Variants in AHRR observed in about 807,000 individuals in gnomAD.
AHRR encodes aryl hydrocarbon receptor repressor.
A neutral mutation model predicts 44.0 loss-of-function variants in AHRR; 28 were observed. That is an observed-to-expected ratio of 0.64 (90% CI 0.47 to 0.87). The LOEUF (loss-of-function observed/expected upper bound fraction) is 0.87. Among genes scored for constraint, AHRR ranks in the 40% least tolerant of loss-of-function variants. AHRR has a pLI of 0.00. For synonymous variants in AHRR, 434 were observed against 407.0 expected (o/e 1.07, Z -0.80); for missense variants, 990 against 953.9 (o/e 1.04, Z -0.50).
chr5:421,263 C>T (rs1043330301), intron 5 of AHRR: 2 of 698,056 alleles, frequency 2.9e-6, no homozygotes, highest in East Asian at 2.7e-5. Context: ...GAGCGGATGC[C>T]GTGTGCAGGC....
At chr5:424,033 T>C in intron 7 of AHRR, 56 bp downstream of exon 7, 2 of 1,557,392 alleles carry the variant, frequency 1.3e-6, no homozygotes, top group Non-Finnish European at 1.7e-6. Context: ...CATTCTACCC[T>C]GGTGTGGAAG....
rs187552083 is a variant in AHRR, at chr5:379,835, A to G, written c.351+3119A>G. ...ATATTACAGATAGTGAAAGTATTCC[A>G]TTTTGATTAAGTTTAATTTATCAAT... On this transcript the variant is annotated intron_variant, in intron 4 of 10. Coordinates refer to ENST00000684583, the MANE Select transcript of AHRR (RefSeq NM_001377236.1). Among the ~76,000 whole-genome samples the G allele has an allele frequency of 3.4e-3, 513 of 152,292 alleles. 3 individuals carry two copies. The highest frequency in any genetic ancestry group is 0.012 in the African/African-American group (498 of 41,564).
In AHRR at chr5:321,986, CTG is replaced by C. The variant is rs1455119130; in HGVS notation, c.-11+168_-11+169del. ...GCGGCCCCGGGACGGGGCGGACACT[CTG>C]GGGTGCGGCTGGCTGGTCTCACTTA... On this transcript the variant is annotated intron_variant, in intron 1 of 10. Coordinates refer to ENST00000684583, the MANE Select transcript of AHRR (RefSeq NM_001377236.1). The surrounding 1 kb of genome is among the most constrained non-coding windows in gnomAD (Gnocchi z 8.3). Among the ~76,000 whole-genome samples, 1 of 152,084 alleles carries C rather than the reference CTG, an allele frequency of 6.6e-6. No homozygotes were observed. The highest frequency in any genetic ancestry group is 2.4e-5 in the African/African-American group (1 of 41,436).
intron 4 of AHRR, among the ~76,000 whole-genome samples, chr5:396,310 C>T (rs762569826): frequency 1.3e-5 from 2 of 152,134 alleles, no homozygotes; most frequent in East Asian, 3.9e-4. Flanking sequence ...AGGGGGCATC[C>T]CACACCCCCC....
chr5:420,901 A>AGCCACCCACCCAC, intron 5 of AHRR: 3 of 324,326 alleles, frequency 9.2e-6, no homozygotes, highest in Non-Finnish European at 1.8e-5. Context: ...CCACGCACGC[A>AGCCACCCACCCAC]GCACGCACGC....
rs181123592 is a variant in AHRR at position 329,739 on chromosome 5, G to A, written c.-11+7920G>A. On this transcript the variant is annotated intron_variant, in intron 1 of 10. Coordinates refer to ENST00000684583, the MANE Select transcript of AHRR (RefSeq NM_001377236.1). ...ATTTTTTAATGGTTATTGTAAATGA[G>A]ATTGTCTTCTTGATTTCTTTCTCAG... Among the ~76,000 whole-genome samples, 3 of 152,296 alleles carry A rather than the reference G, an allele frequency of 2.0e-5. No individual in the cohort carries two copies. In the East Asian group the frequency reaches 5.8e-4, roughly 29 times the overall value.
intron 1 of AHRR, among the ~76,000 whole-genome samples, chr5:330,879 T>TTC (rs1741886534): frequency 6.8e-6 from 1 of 146,846 alleles, no homozygotes; most frequent in East Asian, 2.0e-4. Context: ...ATTTTTTTTT[T>TTC]TTTTTTTTTT....
chr5:365,833 C>G (rs1743342373), intron 3 of AHRR, among the ~76,000 whole-genome samples: 1 of 152,016 alleles, frequency 6.6e-6, no homozygotes, highest in Non-Finnish European at 1.5e-5. Flanking sequence ...ACCTGAATGT[C>G]GTAGGACCAT....
At chr5:415,643 T>TC (rs1735754805) in intron 5 of AHRR, among the ~76,000 whole-genome samples, 11 of 146,054 alleles carry the variant, frequency 7.5e-5, no homozygotes, top group South Asian at 2.1e-4. Flanking sequence ...ATCTGCCTGG[T>TC]GGGGCGGGAG....
At chr5:346,720 G>T (rs1742690270) in intron 2 of AHRR, among the ~76,000 whole-genome samples, 1 of 152,150 alleles carries the variant, frequency 6.6e-6, no homozygotes, top group Non-Finnish European at 1.5e-5. Flanking sequence ...ATAAAGCTCT[G>T]TCTTCCTCTG....
chr5:414,992 C>T (rs1042264128), intron 5 of AHRR, among the ~76,000 whole-genome samples: 2 of 152,238 alleles, frequency 1.3e-5, no homozygotes, highest in African/African-American at 4.8e-5. Context: ...TTGGAAACCC[C>T]AGCCCCACTG....
intron 3 of AHRR, among the ~76,000 whole-genome samples, chr5:375,542 G>A (rs1466734810): frequency 6.6e-6 from 1 of 152,260 alleles, no homozygotes. Flanking sequence ...CGGTGTGCTG[G>A]CCTTAAGGTG....
At chr5:421,142 G>A in intron 5 of AHRR, 1 of 566,946 alleles carries the variant, frequency 1.8e-6, no homozygotes, top group Non-Finnish European at 3.1e-6. Context: ...ACTGGAAGAG[G>A]AGCCGCCCCG....
chr5:410,550 A>G (rs1054624130), intron 4 of AHRR, among the ~76,000 whole-genome samples: 1 of 46,286 alleles, frequency 2.2e-5, no homozygotes, highest in Admixed American at 1.8e-4. Flanking sequence ...TTCTATAAAA[A>G]GAAAAAAAAC....
intron 7 of AHRR, among the ~76,000 whole-genome samples, chr5:425,924 C>T (rs1736366775): frequency 6.6e-6 from 1 of 152,194 alleles, no homozygotes; most frequent in South Asian, 2.1e-4. Flanking sequence ...GCAGTCTTGG[C>T]AATGCGGGTG....
intron 3 of AHRR, among the ~76,000 whole-genome samples, chr5:373,044 T>A (rs550223282): frequency 2.6e-5 from 4 of 152,216 alleles, no homozygotes; most frequent in Non-Finnish European, 5.9e-5. Flanking sequence ...CTGTTCCAAA[T>A]GAGCCCCTTC....
Position 404,473 on chromosome 5 carries a change from C to A in AHRR, c.352-8871C>A. ...GGTGCTGTCGTGCACGGTGTGTTCA[C>A]CAAAACATCTAACGCAACTATTTTC... On this transcript the variant is annotated intron_variant, in intron 4 of 10. Transcript: ENST00000684583. The surrounding 1 kb of genome is among the most constrained non-coding windows in gnomAD (Gnocchi z 4.1). 1 of 487,412 alleles carries A rather than the reference C, an allele frequency of 2.1e-6. No individual in the cohort carries two copies. Among genetic ancestry groups the A allele is most frequent in the African/African-American group, 2.0e-5 (1 of 49,736 alleles). The allele number at this position is 487,412 out of a possible 1,614,324, so 30.2% of individuals were successfully genotyped here. A position where few individuals can be genotyped will look rare whatever the true frequency, so the allele number is the denominator to read the frequency against.
intron 4 of AHRR, among the ~76,000 whole-genome samples, chr5:392,911 G>A (rs570631843): frequency 1.1e-4 from 17 of 151,990 alleles, no homozygotes; most frequent in African/African-American, 3.9e-4. Context: ...CTCGGTGTAG[G>A]TGCCTCTTGC....
chr5:415,235 G>C (rs770503605), intron 5 of AHRR, among the ~76,000 whole-genome samples: 5 of 152,234 alleles, frequency 3.3e-5, no homozygotes, highest in African/African-American at 4.8e-5. Context: ...ACGAGGAAAG[G>C]GTCCCAGAGC....
Sources: gnomAD v4.1 joint callset for allele counts (sites outside exome capture counted in the v4.1 genomes callset) on GRCh38, gnomAD v4.1.1 for gene constraint, Gnocchi (gnomAD v3.1) non-coding constraint, MANE v1.5 for transcripts, NCBI Gene and HGNC (gene_info 2026-07-23, HGNC 2026-07-21) for gene names.